The following SOS1 variants were observed in gnomAD, a reference collection of about 807,000 sequenced individuals.
SOS1 encodes SOS Ras/Rac guanine nucleotide exchange factor 1.
Under a neutral mutation model 157.6 loss-of-function variants are expected in SOS1, and 25 were observed. That is an observed-to-expected ratio of 0.16 (90% CI 0.12 to 0.22). The LOEUF is 0.22. Ranked by LOEUF, SOS1 falls within the 10% of genes least tolerant of loss-of-function variation. SOS1 has a pLI of 1.00. For missense variants in SOS1, 1,237 were observed against 1,599.1 expected (o/e 0.77, Z 3.86); for synonymous variants, 528 against 534.0 (o/e 0.99, Z 0.16).
At chr2:39,062,624 G>A (rs1168953272) in intron 2 of SOS1, among the ~76,000 whole-genome samples, 4 of 149,230 alleles carry the variant, frequency 2.7e-5, no homozygotes, top group African/African-American at 9.8e-5. Flanking sequence ...TGAGATGAAT[G>A]AGGAAAAGAA....
chr2:38,997,331 C>G lies in SOS1; in HGVS notation c.2886G>C (p.Arg962Ser), dbSNP rs779447717. Residue 962 changes from arginine to serine, a missense_variant, in exon 18 of 23, where the codon AGG becomes AGC. Arg to Ser is a moderately radical substitution (Grantham distance 110). This residue lies in a region of SOS1 where 105 missense variants were observed against 236.0 expected (regional missense o/e 0.44). Transcript: ENST00000402219. ...GKELINFSKR[R>S]KVAEITGEIQ... Reference sequence around the variant, plus strand: ...TCTCTCCTGTTATTTCTGCTACTTTCCTCCTTTTGCTAAAGTTTATAAGCT... The same window carrying G: ...TCTCTCCTGTTATTTCTGCTACTTTGCTCCTTTTGCTAAAGTTTATAAGCT... 2 of 1,613,148 alleles carry G rather than the reference C, an allele frequency of 1.2e-6. 1 individual carries two copies. The highest frequency in any genetic ancestry group is 2.2e-5 in the South Asian group (2 of 91,054).
intron 8 of SOS1, among the ~76,000 whole-genome samples, chr2:39,031,996 C>T (rs999830770): frequency 7.9e-5 from 12 of 152,090 alleles, no homozygotes; most frequent in Admixed American, 7.9e-4. Flanking sequence ...TAAAGTCACA[C>T]TATTTTTAAT....
At chr2:39,024,398 G>A (rs1669891491) in intron 8 of SOS1, among the ~76,000 whole-genome samples, 1 of 151,894 alleles carries the variant, frequency 6.6e-6, no homozygotes, top group Non-Finnish European at 1.5e-5. Context: ...GTTTTTCAAG[G>A]TGCATACCAC....
upstream of SOS1, among the ~76,000 whole-genome samples, chr2:39,122,518 C>T (rs1236336970): frequency 6.6e-6 from 1 of 151,900 alleles, no homozygotes; most frequent in East Asian, 1.9e-4. Flanking sequence ...CCTGTAATCC[C>T]AGCACTTTGG....
chr2:39,078,516 G>C (rs55872225), intron 1 of SOS1, among the ~76,000 whole-genome samples: 141,646 of 151,990 alleles, frequency 0.93, 66,120 homozygotes, highest in African/African-American at 0.97. Flanking sequence ...TAGGAACCAG[G>C]CCACAGAGCA....
rs568189923 is a variant in SOS1 at position 39,070,505 on chromosome 2, C to T, written c.88-2752G>A. On this transcript the variant is annotated intron_variant, in intron 1 of 22. Coordinates refer to ENST00000402219, the MANE Select transcript of SOS1 (RefSeq NM_005633.4). ...CCTTCTCTTCTGCCCCCTAAGTAACCTCATTTACTTCCACATTTAACAGTC... is the reference window on the plus strand; with the variant it reads ...CCTTCTCTTCTGCCCCCTAAGTAACTTCATTTACTTCCACATTTAACAGTC... 5.3e-5 allele frequency among the ~76,000 whole-genome samples: 8 copies of T among 152,276 alleles called. No individual in the cohort carries two copies. In the East Asian group the frequency reaches 1.5e-3, roughly 29 times the overall value.
intron 17 of SOS1, among the ~76,000 whole-genome samples, chr2:39,003,517 A>C (rs1355613633): frequency 6.6e-6 from 1 of 152,232 alleles, no homozygotes; most frequent in Non-Finnish European, 1.5e-5. Flanking sequence ...ACACTGTATC[A>C]TATTTTGTAA....
chr2:39,006,566 G>T (rs111458041), intron 16 of SOS1, 37 bp from the exon 17 acceptor site: 9 of 1,020,380 alleles, frequency 8.8e-6, no homozygotes, highest in African/African-American at 4.7e-5. Context: ...TTTACAAAAG[G>T]AATCAAAGGT....
chr2:39,010,511 A>G (rs1267796571), intron 15 of SOS1, 73 bp downstream of exon 15: 2 of 1,458,902 alleles, frequency 1.4e-6, no homozygotes, highest in African/African-American at 2.8e-5. Flanking sequence ...CAAAAAAAAC[A>G]AACAAAAAAA....
At chr2:39,084,410 T>C (rs1205862430) in intron 1 of SOS1, among the ~76,000 whole-genome samples, 1 of 152,098 alleles carries the variant, frequency 6.6e-6, no homozygotes, top group Non-Finnish European at 1.5e-5. Context: ...TATATATTTA[T>C]ACACGAGCAG....
At chr2:39,093,566 A>G (rs549692210) in intron 1 of SOS1, among the ~76,000 whole-genome samples, 1 of 152,366 alleles carries the variant, frequency 6.6e-6, no homozygotes, top group South Asian at 2.1e-4. Context: ...TATTTAACAC[A>G]ATATCTAATC....
chr2:39,123,550 G>C (rs1392631833), upstream of SOS1, among the ~76,000 whole-genome samples: 1 of 151,490 alleles, frequency 6.6e-6, no homozygotes, highest in African/African-American at 2.4e-5. Context: ...TAGAGGTGGG[G>C]TTTCGCTAGG....
chr2:39,068,732 A>C (rs1671678325), intron 1 of SOS1, among the ~76,000 whole-genome samples: 1 of 151,742 alleles, frequency 6.6e-6, no homozygotes, highest in South Asian at 2.1e-4. Flanking sequence ...TTAAGAGTCC[A>C]CACTGGAAAG....
intron 1 of SOS1, among the ~76,000 whole-genome samples, chr2:39,087,822 G>A (rs1349587397): frequency 6.6e-6 from 1 of 152,052 alleles, no homozygotes; most frequent in African/African-American, 2.4e-5. Context: ...GGGACTACAG[G>A]TGTGTGCCAC....
At chr2:39,083,336 C>A (rs1343990838) in intron 1 of SOS1, among the ~76,000 whole-genome samples, 2 of 151,784 alleles carry the variant, frequency 1.3e-5, no homozygotes, top group Non-Finnish European at 2.9e-5. Context: ...GAAGATGAGG[C>A]AAAAGAATCA....
intron 2 of SOS1, among the ~76,000 whole-genome samples, chr2:39,062,561 G>A (rs917126703): frequency 6.7e-6 from 1 of 149,556 alleles, no homozygotes; most frequent in Non-Finnish European, 1.5e-5. Flanking sequence ...TTACGATGAA[G>A]GGCTAATGAC....
chr2:39,013,631 C>T (rs1004863977), intron 12 of SOS1, 68 bp from the exon 13 acceptor site: 12 of 1,092,624 alleles, frequency 1.1e-5, no homozygotes, highest in Non-Finnish European at 1.7e-5. Flanking sequence ...ATGCACAGTA[C>T]AATACAAATG....
intron 1 of SOS1, among the ~76,000 whole-genome samples, chr2:39,115,299 A>T (rs958844959): frequency 6.6e-6 from 1 of 152,042 alleles, no homozygotes; most frequent in Non-Finnish European, 1.5e-5. Flanking sequence ...AATGTTCTAT[A>T]AGTAGACTCA....
In SOS1 at chr2:39,043,683, C is replaced by T. The variant is rs555329863; in HGVS notation, c.864+7461G>A. Reference sequence around the variant, plus strand: ...GTAGGGACTCTGCAGAGTCCTGACGCGGTGCAGGGCATCACATGGCAAGGG... The same window carrying T: ...GTAGGGACTCTGCAGAGTCCTGACGTGGTGCAGGGCATCACATGGCAAGGG... On this transcript the variant is annotated intron_variant, in intron 6 of 22. Transcript: ENST00000402219. Among the ~76,000 whole-genome samples, 79 of 152,254 alleles carry T rather than the reference C, an allele frequency of 5.2e-4. 1 individual carries two copies. The Middle Eastern group carries it at 0.02, about 39-fold the overall frequency.
Sources: gnomAD v4.1 joint callset for allele counts (sites outside exome capture counted in the v4.1 genomes callset) on GRCh38, gnomAD v4.1.1 for gene constraint, gnomAD v4.1.1 regional missense constraint, MANE v1.5 for transcripts, NCBI Gene and HGNC (gene_info 2026-07-23, HGNC 2026-07-21) for gene names.